Variants in KCTD8 observed in about 807,000 individuals in gnomAD.
The protein encoded by KCTD8 is potassium channel tetramerization domain containing 8.
A neutral mutation model predicts 31.5 loss-of-function variants in KCTD8; 27 were observed. That is an observed-to-expected ratio of 0.86 (90% CI 0.63 to 1.18). The LOEUF is 1.18. Among genes scored for constraint, KCTD8 ranks in the 50% most tolerant of loss-of-function variants. The pLI, the probability that KCTD8 is intolerant of heterozygous loss-of-function variation, is 0.00. For synonymous variants in KCTD8, 290 were observed against 280.0 expected, an observed-to-expected ratio of 1.04 and a Z score of -0.36; for missense variants, 658 against 647.7, an observed-to-expected ratio of 1.02 and a Z score of -0.17.
chr4:44,270,284 C>T (rs566817673), intron 1 of KCTD8, among the ~76,000 whole-genome samples: 18 of 150,914 alleles, frequency 1.2e-4, no homozygotes, highest in African/African-American at 4.4e-4. Context: ...AGCAAACTAT[C>T]ACAAGGACAA....
At chr4:44,298,292 T>A (rs940148470) in intron 1 of KCTD8, among the ~76,000 whole-genome samples, 7 of 152,114 alleles carry the variant, frequency 4.6e-5, no homozygotes, top group Non-Finnish European at 5.9e-5. Context: ...TGTTTCGGAA[T>A]TGGGAGATGA....
At chr4:44,443,842 A>G (rs963172733) in intron 1 of KCTD8, among the ~76,000 whole-genome samples, 1 of 152,212 alleles carries the variant, frequency 6.6e-6, no homozygotes, top group African/African-American at 2.4e-5. Context: ...TCTATATTCT[A>G]TATAATTCAT....
intron 1 of KCTD8, among the ~76,000 whole-genome samples, chr4:44,434,764 A>C (rs1376511764): frequency 6.6e-6 from 1 of 151,946 alleles, no homozygotes; most frequent in Non-Finnish European, 1.5e-5. Flanking sequence ...ACAGTGCAAG[A>C]CTTTACTCCA....
At chr4:44,309,970 T>C (rs963992537) in intron 1 of KCTD8, among the ~76,000 whole-genome samples, 8 of 152,118 alleles carry the variant, frequency 5.3e-5, no homozygotes, top group Non-Finnish European at 2.9e-5. Context: ...ATAGGATCTA[T>C]ATCATTTTCA....
chr4:44,203,495 CAAAA>C (rs554145266), intron 1 of KCTD8, among the ~76,000 whole-genome samples: 1 of 44,730 alleles, frequency 2.2e-5, no homozygotes. Context: ...GACTCCATCT[CAAAA>C]AAAAAAAAAA....
intron 1 of KCTD8, among the ~76,000 whole-genome samples, chr4:44,227,754 A>C (rs1715006853): frequency 6.6e-6 from 1 of 152,160 alleles, no homozygotes. Flanking sequence ...GGCAGAGTTG[A>C]TTCTTTCCTT....
At position 44,448,576 on chromosome 4, in the gene KCTD8, C is replaced by T; in HGVS notation, c.-53G>A. On this transcript the variant is annotated 5_prime_UTR_variant, in exon 1 of 2. Transcript: ENST00000360029. This position sits in a 1 kb window ranked among gnomAD's most constrained non-coding sequence, Gnocchi z 4.1. ...CGAGAGAGCTGCACTTTCTCGTTCC[C>T]GGAGCCCGCGCCCCAGCCCTCCGCG... is the stretch of plus-strand genomic sequence containing the variant. 7.2e-7 allele frequency: 1 copy of T among 1,384,054 alleles called. No homozygotes were observed. The highest frequency in any genetic ancestry group is 9.3e-7 in the Non-Finnish European group (1 of 1,073,392). The allele number at this position is 1,384,054 out of a possible 1,614,324, so 85.7% of individuals were successfully genotyped here.
At chr4:44,200,105 G>A (rs554678903) in intron 1 of KCTD8, among the ~76,000 whole-genome samples, 2 of 151,712 alleles carry the variant, frequency 1.3e-5, no homozygotes, top group African/African-American at 2.4e-5. Context: ...ATTGAAACAG[G>A]AAGAAAGTGA....
At chr4:44,242,449 G>A (rs998976938) in intron 1 of KCTD8, among the ~76,000 whole-genome samples, 4 of 152,038 alleles carry the variant, frequency 2.6e-5, no homozygotes, top group Admixed American at 6.5e-5. Context: ...GCGGTGGCTG[G>A]CTCCTGTAGT....
At chr4:44,237,011 C>A (rs1248412095) in intron 1 of KCTD8, among the ~76,000 whole-genome samples, 1 of 152,208 alleles carries the variant, frequency 6.6e-6, no homozygotes, top group Non-Finnish European at 1.5e-5. Context: ...CCACATGGAA[C>A]TGTGAGTCCA....
chr4:44,403,057 G>T (rs1577656719), intron 1 of KCTD8, among the ~76,000 whole-genome samples: 1 of 152,230 alleles, frequency 6.6e-6, no homozygotes, highest in East Asian at 1.9e-4. Context: ...CTCATTTATC[G>T]AACATTTCAA....
At chr4:44,217,189 G>A (rs778667646) in intron 1 of KCTD8, among the ~76,000 whole-genome samples, 3 of 152,132 alleles carry the variant, frequency 2.0e-5, no homozygotes, top group Non-Finnish European at 4.4e-5. Context: ...ATGGACTACA[G>A]TAAAAATTAG....
intron 1 of KCTD8, among the ~76,000 whole-genome samples, chr4:44,274,679 A>G (rs1399276924): frequency 6.6e-6 from 1 of 151,914 alleles, no homozygotes; most frequent in African/African-American, 2.4e-5. Flanking sequence ...ATTTACTTGT[A>G]TCATTCATAA....
chr4:44,347,408 T>C (rs1175047130), intron 1 of KCTD8, among the ~76,000 whole-genome samples: 1 of 152,150 alleles, frequency 6.6e-6, no homozygotes, highest in Admixed American at 6.6e-5. Flanking sequence ...ACTAAATCAC[T>C]AGGATAAGAG....
chr4:44,351,129 C>A (rs939004568), intron 1 of KCTD8, among the ~76,000 whole-genome samples: 1 of 152,100 alleles, frequency 6.6e-6, no homozygotes, highest in African/African-American at 2.4e-5. Flanking sequence ...TTATAATTAT[C>A]TTTCATTATT....
intron 1 of KCTD8, among the ~76,000 whole-genome samples, chr4:44,343,159 A>T (rs1191456761): frequency 6.6e-6 from 1 of 152,178 alleles, no homozygotes; most frequent in Non-Finnish European, 1.5e-5. Flanking sequence ...TGCCTACCTC[A>T]GTATGTTTAA....
At chr4:44,178,461 T>C (rs1051592551) in intron 1 of KCTD8, among the ~76,000 whole-genome samples, 5 of 152,140 alleles carry the variant, frequency 3.3e-5, no homozygotes, top group African/African-American at 1.2e-4. Flanking sequence ...CAACATAGTA[T>C]ATAAATAAAT....
chr4:44,350,258 T>C (rs568200967), intron 1 of KCTD8, among the ~76,000 whole-genome samples: 77 of 152,306 alleles, frequency 5.1e-4, no homozygotes, highest in African/African-American at 1.8e-3. Context: ...TCACAACACC[T>C]TCTCAGTTAT....
chr4:44,385,611 C>G (rs180932770), intron 1 of KCTD8, among the ~76,000 whole-genome samples: 2 of 151,516 alleles, frequency 1.3e-5, no homozygotes, highest in Non-Finnish European at 3.0e-5. Context: ...ACAACAAAAT[C>G]GGGAAAGCTT....
Sources: allele counts gnomAD v4.1 joint callset (sites outside exome capture counted in the v4.1 genomes callset), GRCh38; gene constraint gnomAD v4.1.1; non-coding constraint Gnocchi (gnomAD v3.1); transcripts MANE v1.5; gene names NCBI Gene and HGNC (gene_info 2026-07-23, HGNC 2026-07-21).